Variants in ARHGAP15 observed in about 807,000 individuals in gnomAD.
The protein encoded by ARHGAP15 is Rho GTPase activating protein 15.
ARHGAP15 carries 51 observed loss-of-function variants against 63.7 expected under a neutral mutation model. The observed-to-expected ratio is 0.80, with a 90% confidence interval of 0.64 to 1.01. The LOEUF (loss-of-function observed/expected upper bound fraction) is 1.01. Ranked by LOEUF, ARHGAP15 falls within the 50% of genes least tolerant of loss-of-function variation. The pLI, the probability that ARHGAP15 is intolerant of heterozygous loss-of-function variation, is 0.00. For missense variants in ARHGAP15, 560 were observed against 564.6 expected (o/e 0.99, Z 0.08); for synonymous variants, 191 against 193.8 (o/e 0.99, Z 0.12).
chr2:143,754,032 A>G (rs1014559104), intron 13 of ARHGAP15, among the ~76,000 whole-genome samples: 5 of 152,218 alleles, frequency 3.3e-5, no homozygotes, highest in African/African-American at 1.2e-4. Context: ...AGGAAATGTA[A>G]TTATTGTGCC....
intron 12 of ARHGAP15, among the ~76,000 whole-genome samples, chr2:143,667,336 C>T (rs949007991): frequency 2.8e-5 from 4 of 143,482 alleles, no homozygotes; most frequent in East Asian, 2.1e-4. Flanking sequence ...AACCAAACAC[C>T]GCATATTCTC....
At chr2:143,282,462 A>G (rs747839960) in intron 6 of ARHGAP15, among the ~76,000 whole-genome samples, 10 of 152,114 alleles carry the variant, frequency 6.6e-5, no homozygotes, top group Non-Finnish European at 1.2e-4. Flanking sequence ...GGGTGGTGGC[A>G]GGCAAAGAGG....
intron 1 of ARHGAP15, among the ~76,000 whole-genome samples, chr2:143,143,564 TTTC>T (rs1405471637): frequency 0.033 from 3,938 of 119,898 alleles, 155 homozygotes; most frequent in East Asian, 0.15. Context: ...AGCTATTTTC[TTTC>T]TTTTTTTTTT....
intron 6 of ARHGAP15, among the ~76,000 whole-genome samples, chr2:143,292,762 G>A (rs1023572272): frequency 3.3e-5 from 5 of 151,604 alleles, no homozygotes; most frequent in African/African-American, 1.2e-4. Flanking sequence ...ATAATTTATG[G>A]CAGAGTTTTC....
chr2:143,664,934 C>A (rs553550727), intron 12 of ARHGAP15, among the ~76,000 whole-genome samples: 2 of 151,366 alleles, frequency 1.3e-5, no homozygotes, highest in East Asian at 3.9e-4. Flanking sequence ...AATAGTTTAC[C>A]AACCAAAAAG....
At position 143,768,288 on chromosome 2, in the gene ARHGAP15, T is replaced by G; in HGVS notation, c.*116T>G. The G allele has an allele frequency of 2.1e-6, 2 of 936,142 alleles. No homozygotes were observed. The highest frequency in any genetic ancestry group is 3.2e-6 in the Non-Finnish European group (2 of 633,324). 58.0% of individuals were successfully genotyped at this position (936,142 alleles called of 1,614,324 possible). A position where few individuals can be genotyped will look rare whatever the true frequency, so the allele number is the denominator to read the frequency against. ...CCTTTCAAGCGACAGATGCCTCATT[T>G]TGTGAAAACTTAATGATGATTTTGT... On this transcript the variant is annotated 3_prime_UTR_variant, in exon 14 of 14. Coordinates refer to ENST00000295095, the MANE Select transcript of ARHGAP15 (RefSeq NM_018460.4).
At chr2:143,305,788 C>T (rs933635365) in intron 6 of ARHGAP15, among the ~76,000 whole-genome samples, 12 of 152,024 alleles carry the variant, frequency 7.9e-5, no homozygotes, top group Non-Finnish European at 1.2e-4. Flanking sequence ...AGTAGCATGT[C>T]GGTGCTTTAG....
intron 2 of ARHGAP15, among the ~76,000 whole-genome samples, chr2:143,188,619 T>C (rs1336110833): frequency 1.4e-5 from 1 of 72,704 alleles, no homozygotes; most frequent in African/African-American, 5.1e-5. Context: ...TTGTCATTAT[T>C]ATTATTATTA....
intron 1 of ARHGAP15, among the ~76,000 whole-genome samples, chr2:143,140,460 C>A (rs915643430): frequency 2.6e-5 from 4 of 152,014 alleles, no homozygotes; most frequent in Admixed American, 2.6e-4. Context: ...AGAAAAACAG[C>A]AAACACGAGG....
intron 6 of ARHGAP15, among the ~76,000 whole-genome samples, chr2:143,308,909 T>TA (rs1247403900): frequency 2.1e-5 from 3 of 143,366 alleles, no homozygotes; most frequent in African/African-American, 7.6e-5. Context: ...ATGAAATTTG[T>TA]ATTTGGTATT....
chr2:143,683,382 T>C (rs988100858), intron 12 of ARHGAP15, among the ~76,000 whole-genome samples: 4 of 152,152 alleles, frequency 2.6e-5, no homozygotes, highest in African/African-American at 7.2e-5. Flanking sequence ...GAATATTTTA[T>C]CCTCAAATGT....
At chr2:143,641,151 A>G (rs745392629) in intron 12 of ARHGAP15, 16 of 152,278 alleles carry the variant, frequency 1.1e-4, no homozygotes, top group Non-Finnish European at 1.9e-4. Flanking sequence ...TACTGTATTT[A>G]TGAACCTCTT....
At chr2:143,352,433 A>C (rs1230059773) in intron 6 of ARHGAP15, among the ~76,000 whole-genome samples, 1 of 152,112 alleles carries the variant, frequency 6.6e-6, no homozygotes, top group Non-Finnish European at 1.5e-5. Flanking sequence ...AAAACACCTA[A>C]ATATTTGGGG....
At chr2:143,507,601 A>G (rs1693378761) in intron 9 of ARHGAP15, among the ~76,000 whole-genome samples, 1 of 152,202 alleles carries the variant, frequency 6.6e-6, no homozygotes, top group Non-Finnish European at 1.5e-5. Flanking sequence ...TTCGAATTCC[A>G]TCTAGAGGTT....
chr2:143,645,821 A>C (rs967235656), intron 12 of ARHGAP15, among the ~76,000 whole-genome samples: 1 of 152,056 alleles, frequency 6.6e-6, no homozygotes, highest in Admixed American at 6.6e-5. Flanking sequence ...AAGCTTTTTT[A>C]AAAAATATTT....
intron 6 of ARHGAP15, among the ~76,000 whole-genome samples, chr2:143,348,998 A>G (rs76723497): frequency 0.019 from 2,895 of 152,270 alleles, 92 homozygotes; most frequent in African/African-American, 0.065. Flanking sequence ...GATAAGAGAA[A>G]TGTGGGTACT....
chr2:143,617,235 G>T (rs1698486351), intron 11 of ARHGAP15, among the ~76,000 whole-genome samples: 1 of 152,164 alleles, frequency 6.6e-6, no homozygotes, highest in African/African-American at 2.4e-5. Context: ...CACAAGTGTA[G>T]CATAGCCCTT....
intron 8 of ARHGAP15, among the ~76,000 whole-genome samples, chr2:143,472,825 CTTA>C (rs1691640628): frequency 6.6e-6 from 1 of 152,124 alleles, no homozygotes; most frequent in Admixed American, 6.5e-5. Context: ...TCTTTTTATC[CTTA>C]TTATGCAGAT....
At chr2:143,528,187 G>A (rs547178192) in intron 10 of ARHGAP15, among the ~76,000 whole-genome samples, 1 of 152,142 alleles carries the variant, frequency 6.6e-6, no homozygotes, top group East Asian at 1.9e-4. Context: ...ATAGCCTGCT[G>A]TTTTTAATCA....
Sources: allele counts gnomAD v4.1 joint callset (sites outside exome capture counted in the v4.1 genomes callset), GRCh38; gene constraint gnomAD v4.1.1; transcripts MANE v1.5; gene names NCBI Gene and HGNC (gene_info 2026-07-23, HGNC 2026-07-21).